The following DPT variants were observed in gnomAD, a reference collection of about 807,000 sequenced individuals.
DPT encodes the protein tyrosine-rich acidic matrix protein.
In DPT, 21 loss-of-function variants were observed where a neutral mutation model predicts 31.2. That is an observed-to-expected ratio of 0.67 (90% CI 0.48 to 0.97). DPT has a LOEUF of 0.97. DPT is among the 50% of genes least tolerant of loss of function. The pLI is 0.00. For synonymous variants in DPT, 91 were observed against 86.9 expected, an observed-to-expected ratio of 1.05 and a Z score of -0.26; for missense variants, 262 against 258.8, an observed-to-expected ratio of 1.01 and a Z score of -0.08.
At chr1:168,726,893 G>A (rs1360287155) in intron 1 of DPT, among the ~76,000 whole-genome samples, 4 of 152,230 alleles carry the variant, frequency 2.6e-5, no homozygotes, top group African/African-American at 4.8e-5. Flanking sequence ...CATGGGGGTG[G>A]ATGAGAATGG....
intron 2 of DPT, among the ~76,000 whole-genome samples, chr1:168,708,809 C>T (rs1344778110): frequency 1.3e-5 from 2 of 152,160 alleles, no homozygotes; most frequent in Non-Finnish European, 2.9e-5. Flanking sequence ...GTTCATGTCC[C>T]TAAAACAGCA....
At chr1:168,714,371 C>T in intron 1 of DPT, 25 bp from the exon 2 acceptor site, 1 of 1,614,064 alleles carries the variant, frequency 6.2e-7, no homozygotes, top group Non-Finnish European at 8.5e-7. Context: ...ACCCCAGGAA[C>T]CTAAGAACAG....
chr1:168,703,974 C>T (rs967168139), intron 2 of DPT, among the ~76,000 whole-genome samples: 13 of 152,222 alleles, frequency 8.5e-5, no homozygotes, highest in African/African-American at 3.1e-4. Context: ...AAGTGAAAGC[C>T]CAGTAATAGC....
chr1:168,696,433 G>C lies in DPT; in HGVS notation c.*116C>G. The stretch of plus-strand genomic sequence containing the variant: ...TTGGCATTGCAGTTACCAGCTCAGG[G>C]AGAAGGAAAGAGAGCAGCAGAAACT... On this transcript the variant is annotated 3_prime_UTR_variant, in exon 4 of 4. Transcript: ENST00000367817. 1.2e-6 allele frequency: 1 copy of C among 827,026 alleles called. No homozygotes were observed. The highest frequency in any genetic ancestry group is 1.9e-6 in the Non-Finnish European group (1 of 532,110). 51.2% of individuals were successfully genotyped at this position (827,026 alleles called of 1,614,324 possible). A position where few individuals can be genotyped will look rare whatever the true frequency, so the allele number is the denominator to read the frequency against.
intron 1 of DPT, among the ~76,000 whole-genome samples, chr1:168,716,038 T>C (rs1649979473): frequency 6.6e-6 from 1 of 152,238 alleles, no homozygotes; most frequent in African/African-American, 2.4e-5. Context: ...GACACACAAA[T>C]TGTAACATTA....
At chr1:168,720,665 A>C (rs1030781558) in intron 1 of DPT, among the ~76,000 whole-genome samples, 1 of 152,094 alleles carries the variant, frequency 6.6e-6, no homozygotes, top group Non-Finnish European at 1.5e-5. Context: ...TTCCAACCCC[A>C]CTGCAGAGAT....
In DPT at chr1:168,695,784, G is replaced by C. The variant is rs73030386; in HGVS notation, c.*765C>G. 2.4e-3 allele frequency: 394 copies of C among 161,692 alleles called. 2 individuals carry two copies. The highest frequency in any genetic ancestry group is 8.9e-3 in the African/African-American group (373 of 42,054). 10.0% of individuals were successfully genotyped at this position (161,692 alleles called of 1,614,324 possible). A position where few individuals can be genotyped will look rare whatever the true frequency, so the allele number is the denominator to read the frequency against. ...AACCTGGTCACTCTCATCCCCACAA[G>C]TTCCCAATCTGAATCCCATTCTCTG... is the stretch of plus-strand genomic sequence containing the variant. On this transcript the variant is annotated 3_prime_UTR_variant, in exon 4 of 4. Transcript: ENST00000367817.
Position 168,695,896 on chromosome 1 carries a change from G to A in DPT, c.*653C>T, listed in dbSNP as rs1434521913. On this transcript the variant is annotated 3_prime_UTR_variant, in exon 4 of 4. Transcript: ENST00000367817. ...CCCCTGCACTCATTTTCCTTACTGGGTATGCTAACGTTTGTCTTCTAATTC... is the reference window on the plus strand; with the variant it reads ...CCCCTGCACTCATTTTCCTTACTGGATATGCTAACGTTTGTCTTCTAATTC... 1 of 318,776 alleles carries A rather than the reference G, an allele frequency of 3.1e-6. No individual in the cohort carries two copies. The highest frequency in any genetic ancestry group is 5.7e-6 in the Non-Finnish European group (1 of 174,914). 19.7% of individuals were successfully genotyped at this position (318,776 alleles called of 1,614,324 possible).
intron 3 of DPT, 60 bp from the exon 4 acceptor site, chr1:168,696,675 G>T: frequency 1.4e-6 from 2 of 1,466,114 alleles, no homozygotes; most frequent in African/African-American, 1.4e-5. Flanking sequence ...AGGAAGAATC[G>T]CTGCTGGGGA....
intron 3 of DPT, 72 bp from the exon 4 acceptor site, chr1:168,696,687 A>G: frequency 1.5e-6 from 2 of 1,329,072 alleles, no homozygotes; most frequent in Non-Finnish European, 2.1e-6. Flanking sequence ...TGCTGGGGAA[A>G]CAGCAGCAGA....
intron 2 of DPT, among the ~76,000 whole-genome samples, chr1:168,708,342 A>T (rs1265318930): frequency 6.6e-6 from 1 of 152,146 alleles, no homozygotes; most frequent in East Asian, 1.9e-4. Flanking sequence ...GATGAAAGGG[A>T]TGATAGATTT....
At chr1:168,701,146 T>C in intron 2 of DPT, 22 bp from the exon 3 acceptor site, 2 of 1,558,392 alleles carry the variant, frequency 1.3e-6, no homozygotes, top group Non-Finnish European at 1.8e-6. Flanking sequence ...GAACAAAGGT[T>C]AGAGGAAAAT....
intron 2 of DPT, among the ~76,000 whole-genome samples, chr1:168,707,696 A>G (rs888159262): frequency 6.6e-6 from 1 of 152,168 alleles, no homozygotes; most frequent in Non-Finnish European, 1.5e-5. Flanking sequence ...GGTCACTCTC[A>G]TGCTGTTCTC....
intron 1 of DPT, among the ~76,000 whole-genome samples, chr1:168,727,683 T>C (rs527503949): frequency 2.0e-5 from 3 of 148,372 alleles, no homozygotes; most frequent in Non-Finnish European, 4.5e-5. Flanking sequence ...GACCACAGGC[T>C]GCATGCAACT....
intron 1 of DPT, among the ~76,000 whole-genome samples, chr1:168,719,578 A>G (rs1165113211): frequency 6.6e-6 from 1 of 152,062 alleles, no homozygotes; most frequent in Non-Finnish European, 1.5e-5. Flanking sequence ...CAGTGGCTCA[A>G]TGCTCTATTC....
intron 1 of DPT, among the ~76,000 whole-genome samples, chr1:168,717,778 C>A (rs1339894412): frequency 6.6e-6 from 1 of 152,132 alleles, no homozygotes; most frequent in African/African-American, 2.4e-5. Context: ...CTGCATATGA[C>A]TGATGTAGCC....
chr1:168,721,339 T>C (rs1572632339), intron 1 of DPT, among the ~76,000 whole-genome samples: 3 of 152,308 alleles, frequency 2.0e-5, no homozygotes, highest in African/African-American at 7.2e-5. Flanking sequence ...CCTGACAGTA[T>C]TACACAAAAA....
chr1:168,699,380 G>A (rs1220145053), intron 3 of DPT, among the ~76,000 whole-genome samples: 2 of 151,982 alleles, frequency 1.3e-5, no homozygotes, highest in Non-Finnish European at 1.5e-5. Flanking sequence ...CTCATTGGTG[G>A]AATGAGTTTC....
intron 1 of DPT, among the ~76,000 whole-genome samples, chr1:168,720,573 A>C (rs1233431255): frequency 2.0e-5 from 3 of 152,178 alleles, no homozygotes; most frequent in Admixed American, 2.0e-4. Flanking sequence ...TTCATTAAAT[A>C]GATAATAGAT....
Sources: gnomAD v4.1 joint callset for allele counts (sites outside exome capture counted in the v4.1 genomes callset) on GRCh38, gnomAD v4.1.1 for gene constraint, MANE v1.5 for transcripts, NCBI Gene and HGNC (gene_info 2026-07-23, HGNC 2026-07-21) for gene names.